Variants in VPS13D observed in about 807,000 individuals in gnomAD.
The protein encoded by VPS13D is intermembrane lipid transfer protein VPS13D.
Under a neutral mutation model 461.9 loss-of-function variants are expected in VPS13D, and 187 were observed. The ratio of observed to expected loss-of-function variants is 0.40; its 90% CI spans 0.36 to 0.46. The LOEUF (loss-of-function observed/expected upper bound fraction) is 0.46. Among genes scored for constraint, VPS13D ranks in the 20% least tolerant of loss-of-function variants. The probability of loss-of-function intolerance (pLI) is 0.60; values close to 1 mark genes in which losing one functional copy is unlikely to be tolerated. For synonymous variants in VPS13D, 1,951 were observed against 1,986.3 expected (o/e 0.98, Z 0.47); for missense variants, 4,711 against 5,364.9 (o/e 0.88, Z 3.81).
At chr1:12,492,735 G>A (rs559989871) in intron 67 of VPS13D, among the ~76,000 whole-genome samples, 1 of 152,322 alleles carries the variant, frequency 6.6e-6, no homozygotes, top group South Asian at 2.1e-4. Context: ...AGAAACCCAT[G>A]TGCCATCAAC....
intron 67 of VPS13D, among the ~76,000 whole-genome samples, chr1:12,460,857 G>A (rs1484731591): frequency 6.6e-6 from 1 of 152,020 alleles, no homozygotes; most frequent in Non-Finnish European, 1.5e-5. Context: ...CACTGTTGTT[G>A]TTCACCATGT....
intron 18 of VPS13D, 106 bp from the exon 19 acceptor site, chr1:12,275,719 A>G: frequency 1.7e-6 from 2 of 1,197,938 alleles, no homozygotes; most frequent in Non-Finnish European, 2.3e-6. Flanking sequence ...AGTTTTCTTA[A>G]ACAAACTGGG....
In VPS13D at chr1:12,354,439, C is replaced by T. The variant is rs1310285471; in HGVS notation, c.9679+218C>T. Among the ~76,000 whole-genome samples the T allele has an allele frequency of 2.6e-5, 4 of 151,972 alleles. No individual in the cohort carries two copies. In the East Asian group the frequency reaches 5.8e-4, roughly 22 times the overall value. ...GTCCCAGCTTCTCAGGAGGCTGAGGCGGGAAGATTACTTGAGTCTAGAAGT... is the reference window on the plus strand; with the variant it reads ...GTCCCAGCTTCTCAGGAGGCTGAGGTGGGAAGATTACTTGAGTCTAGAAGT... On this transcript the variant is annotated intron_variant, in intron 47 of 69. Transcript: ENST00000620676.
chr1:12,349,119 T>G (rs769667612), intron 45 of VPS13D, 45 bp from the exon 46 acceptor site: 5 of 1,612,038 alleles, frequency 3.1e-6, no homozygotes, highest in Admixed American at 1.7e-5. Flanking sequence ...ATCTTTGGGG[T>G]GGAGGACCAT....
chr1:12,444,779 T>C (rs1557442986), intron 65 of VPS13D, among the ~76,000 whole-genome samples: 1 of 152,238 alleles, frequency 6.6e-6, no homozygotes, highest in African/African-American at 2.4e-5. Flanking sequence ...TCTTCAGTCA[T>C]TTAGTCCTGT....
intron 66 of VPS13D, among the ~76,000 whole-genome samples, chr1:12,458,207 G>A (rs1457108976): frequency 6.6e-6 from 1 of 152,214 alleles, no homozygotes; most frequent in African/African-American, 2.4e-5. Flanking sequence ...GTATCCTAGA[G>A]TGAGAGTCTT....
chr1:12,377,057 T>C lies in VPS13D; in HGVS notation c.10918-1371T>C, dbSNP rs1233838845. ...GCAGTAAATGAGTTTTTTTCTTTTT[T>C]TCTTTCTTTTTTTTTTTTTGAGACG... On this transcript the variant is annotated intron_variant, in intron 55 of 69. Coordinates refer to ENST00000620676, the MANE Select transcript of VPS13D (RefSeq NM_015378.4). 2.6e-5 allele frequency among the ~76,000 whole-genome samples: 4 copies of C among 151,884 alleles called. 1 individual carries two copies. In the South Asian group the frequency reaches 6.2e-4, roughly 24 times the overall value.
intron 60 of VPS13D, among the ~76,000 whole-genome samples, chr1:12,387,033 G>A (rs1644358993): frequency 6.6e-6 from 1 of 152,184 alleles, no homozygotes; most frequent in African/African-American, 2.4e-5. Flanking sequence ...CGTCCCTCTT[G>A]AGTATTTAGC....
chr1:12,314,081 T>C, intron 29 of VPS13D, 34 bp from the exon 30 acceptor site: 1 of 1,594,638 alleles, frequency 6.3e-7, no homozygotes, highest in Non-Finnish European at 8.6e-7. Context: ...GAGTTGTGTT[T>C]CACATCTTGC....
chr1:12,325,130 C>T (rs1406409883), intron 35 of VPS13D, among the ~76,000 whole-genome samples: 3 of 152,150 alleles, frequency 2.0e-5, no homozygotes, highest in African/African-American at 7.2e-5. Context: ...GTTGCCCAGG[C>T]TGGAATGCAA....
intron 51 of VPS13D, 76 bp downstream of exon 51, chr1:12,362,926 G>A (rs1643972271): frequency 6.3e-7 from 1 of 1,598,530 alleles, no homozygotes; most frequent in African/African-American, 1.3e-5. Context: ...TGTGAAGACT[G>A]TACGTTCTGT....
chr1:12,297,386 A>T (rs1268201134), intron 24 of VPS13D, among the ~76,000 whole-genome samples: 1 of 152,202 alleles, frequency 6.6e-6, no homozygotes, highest in Non-Finnish European at 1.5e-5. Context: ...CTTTACATGT[A>T]ACCTCTTATA....
intron 30 of VPS13D, among the ~76,000 whole-genome samples, chr1:12,314,954 C>T (rs1642850340): frequency 6.6e-6 from 1 of 152,198 alleles, no homozygotes; most frequent in African/African-American, 2.4e-5. Context: ...TAGAAAATTA[C>T]CTATACCCAC....
At chr1:12,243,758 T>TTAA (rs1640455940) in intron 3 of VPS13D, among the ~76,000 whole-genome samples, 1 of 152,248 alleles carries the variant, frequency 6.6e-6, no homozygotes, top group Non-Finnish European at 1.5e-5. Context: ...ATCAGAATTC[T>TTAA]TTATTGAGAG....
chr1:12,446,432 A>C (rs1402052681), intron 65 of VPS13D, among the ~76,000 whole-genome samples: 1 of 152,060 alleles, frequency 6.6e-6, no homozygotes, highest in African/African-American at 2.4e-5. Context: ...AGAAAAAAAA[A>C]AAAAAGAACA....
chr1:12,307,132 G>A (rs1456806590), intron 26 of VPS13D, among the ~76,000 whole-genome samples: 1 of 152,178 alleles, frequency 6.6e-6, no homozygotes, highest in East Asian at 1.9e-4. Flanking sequence ...CCCACGTAAT[G>A]CCAGGTGTTA....
chr1:12,466,504 G>A (rs1308902580), intron 67 of VPS13D, among the ~76,000 whole-genome samples: 3 of 152,120 alleles, frequency 2.0e-5, no homozygotes, highest in Non-Finnish European at 2.9e-5. Flanking sequence ...TTTATTCCAT[G>A]TTTGGCTTAA....
intron 13 of VPS13D, among the ~76,000 whole-genome samples, chr1:12,263,661 G>A (rs958817148): frequency 3.3e-5 from 5 of 152,176 alleles, no homozygotes; most frequent in African/African-American, 1.2e-4. Context: ...TAAAACAGCA[G>A]CTTATTTGAG....
At chr1:12,459,812 A>G (rs1645383816) in intron 66 of VPS13D, among the ~76,000 whole-genome samples, 2 of 152,038 alleles carry the variant, frequency 1.3e-5, no homozygotes, top group East Asian at 1.9e-4. Context: ...ATCATCTTCA[A>G]ACTTTCCCCG....
Sources: allele counts gnomAD v4.1 joint callset (sites outside exome capture counted in the v4.1 genomes callset), GRCh38; gene constraint gnomAD v4.1.1; transcripts MANE v1.5; gene names NCBI Gene and HGNC (gene_info 2026-07-23, HGNC 2026-07-21).